Variants in MCF2L2 observed in about 807,000 individuals in gnomAD.
The protein encoded by MCF2L2 is MCF.2 cell line derived transforming sequence-like 2.
A neutral mutation model predicts 150.2 loss-of-function variants in MCF2L2; 102 were observed. That is an observed-to-expected ratio of 0.68 (90% CI 0.58 to 0.80). MCF2L2 has a LOEUF of 0.80. MCF2L2 is among the 30% of genes least tolerant of loss of function. The pLI is 0.00. For missense variants in MCF2L2, 1,256 were observed against 1,372.8 expected, an observed-to-expected ratio of 0.91 and a Z score of 1.34; for synonymous variants, 465 against 491.3, an observed-to-expected ratio of 0.95 and a Z score of 0.71.
intron 15 of MCF2L2, among the ~76,000 whole-genome samples, chr3:183,266,828 C>T (rs1043430480): frequency 6.6e-6 from 1 of 151,322 alleles, no homozygotes; most frequent in Admixed American, 6.6e-5. Context: ...ATTCTGTCAC[C>T]CAGGCTGGAG....
chr3:183,351,778 T>G lies in MCF2L2; in HGVS notation c.276-10148A>C, dbSNP rs182107817. Among the ~76,000 whole-genome samples the G allele has an allele frequency of 6.6e-4, 100 of 152,324 alleles. 1 individual carries two copies. The highest frequency in any genetic ancestry group is 2.0e-3 in the African/African-American group (85 of 41,586). On this transcript the variant is annotated intron_variant, in intron 3 of 29. Coordinates refer to ENST00000328913, the MANE Select transcript of MCF2L2 (RefSeq NM_015078.4). ...TAGGAGATAAGATGATTAGCCTATG[T>G]CTTTTTAAATTTATTAGTCTAATTC...
At position 183,389,767 on chromosome 3, in the gene MCF2L2, T is replaced by G. The variant is rs1443254111; in HGVS notation, c.89A>C (p.Gln30Pro). Residue 30 changes from glutamine (Q) to proline (P), a missense_variant, in exon 2 of 30, where the codon CAG (glutamine) becomes CCG (proline). Gln to Pro is a moderately conservative substitution (Grantham distance 76). Transcript: ENST00000328913. Reference sequence around the variant, plus strand: ...CGCCATCAGGGGTCTGACTTCCTGCTGCATAATTTCATCTGCACAAATGAA... The same window carrying G: ...CGCCATCAGGGGTCTGACTTCCTGCGGCATAATTTCATCTGCACAAATGAA... The part of the protein sequence containing the change: ...TVITHVDEIM[Q>P]QEVRPLMAVE... 1.2e-6 allele frequency: 2 copies of G among 1,613,770 alleles called. No individual in the cohort carries two copies. Among genetic ancestry groups the G allele is most frequent in the Non-Finnish European group, 1.7e-6 (2 of 1,179,722 alleles).
At chr3:183,264,315 A>G (rs1421046127) in intron 15 of MCF2L2, among the ~76,000 whole-genome samples, 2 of 152,136 alleles carry the variant, frequency 1.3e-5, no homozygotes, top group African/African-American at 2.4e-5. Flanking sequence ...AATCCTGACT[A>G]ATCCAACCCC....
chr3:183,244,145 A>G (rs1483692897), intron 15 of MCF2L2, among the ~76,000 whole-genome samples: 1 of 151,986 alleles, frequency 6.6e-6, no homozygotes, highest in Non-Finnish European at 1.5e-5. Context: ...AAAAGAAAAA[A>G]AAGAAATCCA....
intron 27 of MCF2L2, 172 bp from the exon 28 acceptor site, chr3:183,180,331 A>C (rs1218929783): frequency 1.3e-5 from 7 of 539,336 alleles, no homozygotes; most frequent in Non-Finnish European, 2.3e-5. Context: ...TGTGATCTCC[A>C]GGCTGCTTTT....
intron 15 of MCF2L2, chr3:183,271,004 T>C (rs1726724402): frequency 7.1e-7 from 1 of 1,402,574 alleles, no homozygotes; most frequent in Non-Finnish European, 9.7e-7. Context: ...CTTTAAATGT[T>C]CGTCTATACC....
At chr3:183,220,393 T>G (rs1008214386) in intron 20 of MCF2L2, among the ~76,000 whole-genome samples, 3 of 152,192 alleles carry the variant, frequency 2.0e-5, no homozygotes, top group Non-Finnish European at 4.4e-5. Flanking sequence ...TTTCCCATGA[T>G]ATTATATTTT....
rs1479787016 is a variant in MCF2L2 at position 183,223,405 on chromosome 3, GA to G, written c.2241del (p.Leu748PhefsTer13). Reference protein sequence around the residue: ...VCQRQLDHNLPLFKYLKGPSQ... With the variant: ...VCQRQLDHNLXLFKYLKGPSQ... ...CTTGGTCCTTTGAGATACTTAAAAA[GA>G]GGGAGATTGTGATCCAGTTGGCGCT... On this transcript the variant is annotated frameshift_variant, in exon 20 of 30. Coordinates refer to ENST00000328913, the MANE Select transcript of MCF2L2 (RefSeq NM_015078.4). LOFTEE classifies it high-confidence loss of function. 1 of 1,614,092 alleles carries G rather than the reference GA, an allele frequency of 6.2e-7. No homozygotes were observed. Among genetic ancestry groups the G allele is most frequent in the East Asian group, 2.2e-5 (1 of 44,906 alleles).
intron 22 of MCF2L2, among the ~76,000 whole-genome samples, chr3:183,213,118 A>T (rs1379019761): frequency 5.9e-5 from 9 of 152,180 alleles, no homozygotes. Context: ...CAATACAAGT[A>T]CATCCTTTAG....
In MCF2L2 at chr3:183,373,566, T is replaced by A. The variant is rs1466307352; in HGVS notation, c.275+5731A>T. On this transcript the variant is annotated intron_variant, in intron 3 of 29. Transcript: ENST00000328913. ...TTTTCTTCTTCACACCCCTCAAATG[T>A]CTGTTCTGTCTCACCATAGCTTCTC... 3 of 152,088 alleles carry A rather than the reference T, an allele frequency of 2.0e-5. No homozygotes were observed. In the South Asian group the frequency reaches 6.2e-4, roughly 32 times the overall value. 9.4% of individuals were successfully genotyped at this position (152,088 alleles called of 1,614,324 possible). A position where few individuals can be genotyped will look rare whatever the true frequency, so the allele number is the denominator to read the frequency against.
chr3:183,401,461 G>A (rs1295092331), intron 1 of MCF2L2, among the ~76,000 whole-genome samples: 1 of 152,032 alleles, frequency 6.6e-6, no homozygotes, highest in Non-Finnish European at 1.5e-5. Context: ...AATTTGGGGG[G>A]AGGGATAAAA....
chr3:183,427,151 G>A (rs1263698972), intron 1 of MCF2L2, among the ~76,000 whole-genome samples: 1 of 152,198 alleles, frequency 6.6e-6, no homozygotes, highest in Admixed American at 6.5e-5. Flanking sequence ...CTTTACTGAG[G>A]GAGGTCCAGG....
intron 1 of MCF2L2, among the ~76,000 whole-genome samples, chr3:183,411,616 C>CT (rs5854983): frequency 0.22 from 30,908 of 142,800 alleles, 3,435 homozygotes; most frequent in African/African-American, 0.32. Flanking sequence ...CTACTTGAAG[C>CT]TTTTTTTTTT....
intron 1 of MCF2L2, chr3:183,400,213 C>T (rs1012906622): frequency 3.3e-6 from 1 of 304,314 alleles, no homozygotes; most frequent in African/African-American, 2.2e-5. Context: ...TTTAAAACTT[C>T]TTCACAAAAA....
intron 9 of MCF2L2, among the ~76,000 whole-genome samples, chr3:183,310,169 T>C (rs978873280): frequency 6.6e-6 from 1 of 151,948 alleles, no homozygotes; most frequent in Non-Finnish European, 1.5e-5. Context: ...GAGGCCAGCC[T>C]GGGCAACATA....
At chr3:183,190,740 C>T (rs560884105) in intron 27 of MCF2L2, among the ~76,000 whole-genome samples, 1 of 152,196 alleles carries the variant, frequency 6.6e-6, no homozygotes, top group Non-Finnish European at 1.5e-5. Flanking sequence ...GCCTGAAGGG[C>T]ACAACGGTGA....
At chr3:183,217,332 T>TGTG (rs1332173238) in intron 21 of MCF2L2, among the ~76,000 whole-genome samples, 1 of 83,056 alleles carries the variant, frequency 1.2e-5, no homozygotes, top group African/African-American at 4.6e-5. Flanking sequence ...AGTAGCTGGG[T>TGTG]GTGGTGGTGT....
chr3:183,378,240 G>A (rs982776139), intron 3 of MCF2L2: 1 of 152,250 alleles, frequency 6.6e-6, no homozygotes, highest in Non-Finnish European at 1.5e-5. Flanking sequence ...CTATAGTCAA[G>A]GGAGGGGTGG....
intron 1 of MCF2L2, among the ~76,000 whole-genome samples, chr3:183,425,814 G>T (rs547424540): frequency 1.3e-5 from 2 of 152,264 alleles, no homozygotes; most frequent in South Asian, 2.1e-4. Context: ...AATTAGCCGG[G>T]CGTGGTGGCA....
Sources: gnomAD v4.1 joint callset for allele counts (sites outside exome capture counted in the v4.1 genomes callset) on GRCh38, gnomAD v4.1.1 for gene constraint, MANE v1.5 for transcripts, NCBI Gene and HGNC (gene_info 2026-07-23, HGNC 2026-07-21) for gene names.